GPHN: variants seen among roughly 807,000 people sequenced by gnomAD.
GPHN encodes gephyrin.
In GPHN, 17 loss-of-function variants were observed where a neutral mutation model predicts 95.5. The ratio of observed to expected loss-of-function variants is 0.18; its 90% CI spans 0.12 to 0.27. The LOEUF is 0.27. Ranked by LOEUF, GPHN falls within the 10% of genes least tolerant of loss-of-function variation. The pLI, the probability that GPHN is intolerant of heterozygous loss-of-function variation, is 1.00. For missense variants in GPHN, 660 were observed against 978.1 expected, an observed-to-expected ratio of 0.67 and a Z score of 4.34; for synonymous variants, 320 against 322.5, an observed-to-expected ratio of 0.99 and a Z score of 0.08.
At chr14:66,858,431 G>C (rs2062887471) in intron 4 of GPHN, among the ~76,000 whole-genome samples, 1 of 151,358 alleles carries the variant, frequency 6.6e-6, no homozygotes, top group African/African-American at 2.4e-5. Context: ...AAGGGAACCT[G>C]TTGCCTTGAA....
the GPHN span, chr14:67,568,977 T>C: frequency 1.0e-5 from 6 of 588,910 alleles, no homozygotes; most frequent in African/African-American, 9.4e-5. Flanking sequence ...CAGAGGAAAA[T>C]GAGTCTCAGA....
At chr14:67,536,432 A>G in the GPHN span, among the ~76,000 whole-genome samples, 1 of 151,830 alleles carries the variant, frequency 6.6e-6, no homozygotes, top group African/African-American at 2.4e-5. Flanking sequence ...TGGAAGTCAT[A>G]CAGATACTCA....
At chr14:67,585,736 T>C in the GPHN span, 2 of 1,161,212 alleles carry the variant, frequency 1.7e-6, no homozygotes, top group African/African-American at 1.5e-5. Context: ...CTCAAAAGCC[T>C]GAACCAAGTG....
At chr14:66,592,702 CAG>C (rs2061793231) in intron 1 of GPHN, among the ~76,000 whole-genome samples, 1 of 152,134 alleles carries the variant, frequency 6.6e-6, no homozygotes, top group South Asian at 2.1e-4. Context: ...CACTGTTGGT[CAG>C]AGTGTGAATT....
the GPHN span, among the ~76,000 whole-genome samples, chr14:67,667,341 A>G: frequency 2.6e-5 from 4 of 152,152 alleles, no homozygotes; most frequent in African/African-American, 9.7e-5. Flanking sequence ...TTGGTGCCTC[A>G]CTGTGGCAAA....
At chr14:66,805,967 C>T (rs560461820) in intron 3 of GPHN, among the ~76,000 whole-genome samples, 1 of 152,338 alleles carries the variant, frequency 6.6e-6, no homozygotes, top group African/African-American at 2.4e-5. Context: ...GGCTCCAACC[C>T]CACATTTCTC....
chr14:66,693,748 A>G (rs1212783645), intron 2 of GPHN, among the ~76,000 whole-genome samples: 3 of 152,106 alleles, frequency 2.0e-5, no homozygotes, highest in Non-Finnish European at 4.4e-5. Flanking sequence ...CTTTATCAGT[A>G]CTCTGTATAA....
At chr14:67,066,493 A>G (rs115940183) in intron 11 of GPHN, among the ~76,000 whole-genome samples, 2,575 of 152,250 alleles carry the variant, frequency 0.017, 32 homozygotes, top group Middle Eastern at 0.1. Flanking sequence ...AAGTTGGGAA[A>G]GTTCTCCTTG....
At chr14:67,348,960 C>A in the GPHN span, 4 of 1,352,374 alleles carry the variant, frequency 3.0e-6, no homozygotes, top group Non-Finnish European at 4.2e-6. Context: ...ACATTAAGAT[C>A]TTGCTGTATA....
chr14:66,747,550 T>C (rs576543134), intron 2 of GPHN, among the ~76,000 whole-genome samples: 1 of 151,866 alleles, frequency 6.6e-6, no homozygotes, highest in East Asian at 1.9e-4. Flanking sequence ...ATGAACAAGA[T>C]AGGCAGAGCT....
At chr14:67,547,278 C>T in the GPHN span, among the ~76,000 whole-genome samples, 70 of 152,192 alleles carry the variant, frequency 4.6e-4, 1 homozygote, top group East Asian at 7.7e-4. Flanking sequence ...GACCTGAGTC[C>T]GACACTGGAC....
the GPHN span, among the ~76,000 whole-genome samples, chr14:67,305,400 C>A: frequency 2.0e-5 from 3 of 152,174 alleles, no homozygotes; most frequent in African/African-American, 7.2e-5. Flanking sequence ...CTACCTCAGC[C>A]TCCCTAGTAG....
the GPHN span, among the ~76,000 whole-genome samples, chr14:67,267,443 G>T: frequency 1.3e-5 from 2 of 151,782 alleles, no homozygotes; most frequent in Non-Finnish European, 1.5e-5. Flanking sequence ...TAGAGATGGG[G>T]GTTCATCATG....
At chr14:67,011,924 C>T (rs550436608) in intron 9 of GPHN, among the ~76,000 whole-genome samples, 79 of 150,690 alleles carry the variant, frequency 5.2e-4, no homozygotes, top group African/African-American at 1.7e-3. Flanking sequence ...CAAAACTACT[C>T]TGGCTAATCC....
the GPHN span, among the ~76,000 whole-genome samples, chr14:67,235,840 C>A: frequency 6.6e-6 from 1 of 152,114 alleles, no homozygotes; most frequent in South Asian, 2.1e-4. Context: ...ATTGAATATC[C>A]TACCCTGAGG....
chr14:67,213,975 A>G, the GPHN span, among the ~76,000 whole-genome samples: 7 of 152,118 alleles, frequency 4.6e-5, no homozygotes, highest in South Asian at 2.1e-4. Flanking sequence ...TTTGAGAAGT[A>G]TCTGTTCATG....
chr14:67,533,887 T>A, the GPHN span: 2 of 152,194 alleles, frequency 1.3e-5, no homozygotes, highest in Non-Finnish European at 2.9e-5. Context: ...ACACAGAGCA[T>A]TGTGTCCTAG....
chr14:66,821,786 A>G (rs1033715389), intron 3 of GPHN, among the ~76,000 whole-genome samples: 2 of 152,154 alleles, frequency 1.3e-5, no homozygotes, highest in Admixed American at 6.6e-5. Flanking sequence ...CACATTAGCT[A>G]CTTTGGCCAA....
At chr14:67,599,706 C>G in the GPHN span, among the ~76,000 whole-genome samples, 1 of 152,138 alleles carries the variant, frequency 6.6e-6, no homozygotes, top group Non-Finnish European at 1.5e-5. Flanking sequence ...TTACTGCGCG[C>G]CTATACTACA....
Sources: allele counts gnomAD v4.1 joint callset (sites outside exome capture counted in the v4.1 genomes callset), GRCh38; gene constraint gnomAD v4.1.1; transcripts MANE v1.5; gene names NCBI Gene and HGNC (gene_info 2026-07-23, HGNC 2026-07-21).